KALRN: variants seen among roughly 807,000 people sequenced by gnomAD.
KALRN encodes the protein kalirin.
KALRN carries 70 observed loss-of-function variants against 353.7 expected under a neutral mutation model. The ratio of observed to expected loss-of-function variants is 0.20; its 90% confidence interval spans 0.16 to 0.24. The LOEUF (loss-of-function observed/expected upper bound fraction) is 0.24, where lower values mean the gene tolerates loss of function less well. Among genes scored for constraint, KALRN ranks in the 10% least tolerant of loss-of-function variants. The pLI, the probability that KALRN is intolerant of heterozygous loss-of-function variation, is 1.00. For synonymous variants in KALRN, 1,391 were observed against 1,434.8 expected (o/e 0.97, Z 0.69); for missense variants, 2,791 against 3,756.7 (o/e 0.74, Z 6.72).
At chr3:124,035,596 C>T (rs2039341168) in intron 1 of KALRN, among the ~76,000 whole-genome samples, 1 of 152,218 alleles carries the variant, frequency 6.6e-6, no homozygotes, top group African/African-American at 2.4e-5. Context: ...ATTTTCTGTT[C>T]CAGGCACCCG....
intron 6 of KALRN, among the ~76,000 whole-genome samples, chr3:124,324,353 C>A (rs2079652630): frequency 6.6e-6 from 1 of 152,190 alleles, no homozygotes; most frequent in South Asian, 2.1e-4. Context: ...TCAGTGTGTG[C>A]TTTCCCCCTC....
chr3:124,224,474 C>CT (rs2078268980), intron 1 of KALRN, among the ~76,000 whole-genome samples: 1 of 151,986 alleles, frequency 6.6e-6, no homozygotes, highest in Admixed American at 6.5e-5. Flanking sequence ...TGCATGAGGC[C>CT]TGTAGACCAC....
chr3:124,107,010 C>A (rs1291591027), intron 1 of KALRN, among the ~76,000 whole-genome samples: 2 of 152,126 alleles, frequency 1.3e-5, no homozygotes, highest in Admixed American at 6.5e-5. Context: ...AGTGGGGTTG[C>A]AAGTGGCACT....
intron 1 of KALRN, among the ~76,000 whole-genome samples, chr3:124,186,164 T>A (rs1652224840): frequency 6.6e-6 from 1 of 152,168 alleles, no homozygotes; most frequent in South Asian, 2.1e-4. Context: ...AGAGAGAGGA[T>A]ACAGGACTCC....
At chr3:124,286,213 CTCTT>C (rs1280157928) in intron 5 of KALRN, among the ~76,000 whole-genome samples, 45 of 138,628 alleles carry the variant, frequency 3.2e-4, no homozygotes, top group Middle Eastern at 3.8e-3. Flanking sequence ...TTCTCTTTTT[CTCTT>C]TCTTTCTTTC....
At chr3:124,065,918 A>G (rs766326574) in intron 1 of KALRN, among the ~76,000 whole-genome samples, 4 of 152,206 alleles carry the variant, frequency 2.6e-5, no homozygotes, top group Non-Finnish European at 4.4e-5. Context: ...CTGAGAGAGA[A>G]CATAACTTTT....
intron 3 of KALRN, among the ~76,000 whole-genome samples, chr3:124,244,713 G>A (rs1056094215): frequency 7.2e-5 from 11 of 152,214 alleles, no homozygotes; most frequent in South Asian, 4.1e-4. Flanking sequence ...CATCTAAGTC[G>A]TTTCCAGAAG....
intron 1 of KALRN, among the ~76,000 whole-genome samples, chr3:124,191,383 G>GC (rs2074895744): frequency 6.6e-6 from 1 of 152,176 alleles, no homozygotes; most frequent in Non-Finnish European, 1.5e-5. Context: ...CCAGTGGCCA[G>GC]CCCCCATCCT....
Position 124,679,501 on chromosome 3 carries a change from C to T in KALRN, c.7361C>T (p.Pro2454Leu), listed in dbSNP as rs1250804033. 2 of 1,613,826 alleles carry T rather than the reference C, an allele frequency of 1.2e-6. No homozygotes were observed. The highest frequency in any genetic ancestry group is 1.7e-6 in the Non-Finnish European group (2 of 1,179,782). The change falls in exon 51 of 60, where the codon CCT becomes CTT. Residue 2454 changes from proline (P) to leucine (L), a missense_variant. Transcript: ENST00000682506. ...GAATCAGAGTGTGATGATCTTGACC[C>T]TAATACTAGCATGGAGGTAGAAGCA... is the stretch of plus-strand genomic sequence containing the variant. ...SEESECDDLDPNTSMEILNPN... is the reference protein window; with the variant it reads ...SEESECDDLDLNTSMEILNPN...
At chr3:124,570,776 G>A (rs762600746) in intron 34 of KALRN, among the ~76,000 whole-genome samples, 29 of 152,076 alleles carry the variant, frequency 1.9e-4, no homozygotes, top group Non-Finnish European at 3.5e-4. Flanking sequence ...GGATAAAACC[G>A]GTTCTTGAAT....
intron 34 of KALRN, among the ~76,000 whole-genome samples, chr3:124,601,188 G>A (rs2076767260): frequency 6.6e-6 from 1 of 152,198 alleles, no homozygotes; most frequent in Admixed American, 6.5e-5. Context: ...ATCCCTGAGG[G>A]TGGTTGTGAA....
intron 44 of KALRN, among the ~76,000 whole-genome samples, chr3:124,661,275 T>TA (rs1244180609): frequency 6.6e-6 from 1 of 152,228 alleles, no homozygotes; most frequent in Non-Finnish European, 1.5e-5. Flanking sequence ...AGATTAGATG[T>TA]AAGTTGCACA....
chr3:124,701,350 GGATAAGAA>G (rs1486498291), intron 56 of KALRN, among the ~76,000 whole-genome samples: 3 of 152,090 alleles, frequency 2.0e-5, no homozygotes, highest in Non-Finnish European at 4.4e-5. Flanking sequence ...GAGAAGAGCG[GGATAAGAA>G]GATAATTTTT....
intron 10 of KALRN, among the ~76,000 whole-genome samples, chr3:124,358,103 A>G (rs2083619899): frequency 6.6e-6 from 1 of 152,216 alleles, no homozygotes; most frequent in African/African-American, 2.4e-5. Flanking sequence ...GCCCCAGCCC[A>G]GGGTCTGGCA....
intron 10 of KALRN, among the ~76,000 whole-genome samples, chr3:124,373,468 C>T (rs1207507901): frequency 6.6e-6 from 1 of 152,190 alleles, no homozygotes; most frequent in Non-Finnish European, 1.5e-5. Context: ...CCACAATCCG[C>T]ACAGATTAAA....
intron 3 of KALRN, among the ~76,000 whole-genome samples, chr3:124,244,000 T>C (rs1468573844): frequency 1.3e-5 from 2 of 152,198 alleles, no homozygotes; most frequent in Non-Finnish European, 2.9e-5. Context: ...TTAGAGCTAG[T>C]AGTGATAGCA....
At chr3:124,095,047 A>C in intron 1 of KALRN, 1 of 797,654 alleles carries the variant, frequency 1.3e-6, no homozygotes, top group Non-Finnish European at 2.1e-6. Context: ...GGCAAGTAGC[A>C]AACCCATGGA....
intron 1 of KALRN, among the ~76,000 whole-genome samples, chr3:124,147,581 C>A (rs993240871): frequency 5.9e-5 from 9 of 152,188 alleles, no homozygotes; most frequent in Non-Finnish European, 8.8e-5. Flanking sequence ...AAGAAACATA[C>A]ATGGAAGTCC....
At chr3:124,080,475 T>G (rs905709135) in intron 1 of KALRN, among the ~76,000 whole-genome samples, 6 of 152,206 alleles carry the variant, frequency 3.9e-5, no homozygotes, top group Non-Finnish European at 2.9e-5. Context: ...TAGATAGATA[T>G]CATCAGAAAT....
Sources: gnomAD v4.1 joint callset for allele counts (sites outside exome capture counted in the v4.1 genomes callset) on GRCh38, gnomAD v4.1.1 for gene constraint, MANE v1.5 for transcripts, NCBI Gene and HGNC (gene_info 2026-07-23, HGNC 2026-07-21) for gene names.